Variants in MAGI2 observed in about 807,000 individuals in gnomAD.
MAGI2 encodes membrane associated guanylate kinase, WW and PDZ domain containing 2.
Under a neutral mutation model 133.3 loss-of-function variants are expected in MAGI2, and 35 were observed. The ratio of observed to expected loss-of-function variants is 0.26; its 90% CI spans 0.20 to 0.35. The LOEUF (loss-of-function observed/expected upper bound fraction) is 0.35. Ranked by LOEUF, MAGI2 falls within the 10% of genes least tolerant of loss-of-function variation. The pLI, the probability that MAGI2 is intolerant of heterozygous loss-of-function variation, is 1.00. For synonymous variants in MAGI2, 729 were observed against 710.6 expected, an observed-to-expected ratio of 1.03 and a Z score of -0.41; for missense variants, 1,636 against 1,863.4, an observed-to-expected ratio of 0.88 and a Z score of 2.25.
At chr7:78,656,671 T>G (rs746217058) in intron 2 of MAGI2, among the ~76,000 whole-genome samples, 6 of 152,118 alleles carry the variant, frequency 3.9e-5, no homozygotes, top group Non-Finnish European at 7.4e-5. Context: ...AGAGAAAAAG[T>G]AAGCAAGGAG....
intron 2 of MAGI2, among the ~76,000 whole-genome samples, chr7:78,861,596 C>T (rs1340665175): frequency 6.6e-6 from 1 of 152,222 alleles, no homozygotes; most frequent in Non-Finnish European, 1.5e-5. Context: ...CAATCCTCCA[C>T]CTACCATTCA....
intron 1 of MAGI2, among the ~76,000 whole-genome samples, chr7:79,441,547 T>G (rs1848496238): frequency 6.6e-6 from 1 of 152,186 alleles, no homozygotes; most frequent in South Asian, 2.1e-4. Context: ...TTATAGTATA[T>G]ATGTATTTTG....
intron 4 of MAGI2, among the ~76,000 whole-genome samples, chr7:78,510,508 C>T (rs1032145417): frequency 1.3e-5 from 2 of 152,084 alleles, no homozygotes; most frequent in Non-Finnish European, 2.9e-5. Flanking sequence ...TTTCTGCCTA[C>T]AGAAACAAAA....
intron 1 of MAGI2, among the ~76,000 whole-genome samples, chr7:79,404,157 T>C (rs1483828467): frequency 6.6e-6 from 1 of 152,158 alleles, no homozygotes; most frequent in Non-Finnish European, 1.5e-5. Context: ...ACAGCAACCA[T>C]GCGTTTCACT....
At chr7:79,377,467 T>C (rs1348387310) in intron 1 of MAGI2, among the ~76,000 whole-genome samples, 4 of 151,654 alleles carry the variant, frequency 2.6e-5, no homozygotes, top group African/African-American at 9.7e-5. Context: ...AGCATCAATA[T>C]CAAAATCAAT....
At chr7:79,161,799 G>T (rs980202543) in intron 1 of MAGI2, among the ~76,000 whole-genome samples, 1 of 152,006 alleles carries the variant, frequency 6.6e-6, no homozygotes, top group Non-Finnish European at 1.5e-5. Context: ...AATTCAGATC[G>T]CAATTTTATG....
intron 1 of MAGI2, among the ~76,000 whole-genome samples, chr7:79,195,558 A>C (rs536053112): frequency 2.1e-4 from 32 of 152,098 alleles, no homozygotes; most frequent in Middle Eastern, 3.4e-3. Flanking sequence ...TTCAATTACC[A>C]ACTCAAACTT....
chr7:79,015,827 C>A (rs1002470607), intron 1 of MAGI2, among the ~76,000 whole-genome samples: 1 of 152,058 alleles, frequency 6.6e-6, no homozygotes, highest in Non-Finnish European at 1.5e-5. Context: ...TGTACAGCAT[C>A]CCCATGAGAG....
intron 20 of MAGI2, 28 bp downstream of exon 20, chr7:78,125,666 C>G (rs1375904465): frequency 6.2e-7 from 1 of 1,606,764 alleles, no homozygotes; most frequent in Non-Finnish European, 8.5e-7. Context: ...CAGAATTAAG[C>G]AATTCTATAA....
intron 9 of MAGI2, among the ~76,000 whole-genome samples, chr7:78,316,755 A>G (rs1787448623): frequency 2.0e-5 from 3 of 152,336 alleles, no homozygotes; most frequent in Admixed American, 6.5e-5. Flanking sequence ...AAGCACTTAA[A>G]TTATAACCCT....
chr7:78,728,397 A>G (rs11773249), intron 2 of MAGI2, among the ~76,000 whole-genome samples: 6,710 of 152,230 alleles, frequency 0.044, 219 homozygotes, highest in Non-Finnish European at 0.067. Context: ...CAAAATGCAC[A>G]TTGGTTCTTA....
At position 79,324,694 on chromosome 7, in the gene MAGI2, A is replaced by T. The variant is rs184042983; in HGVS notation, c.301+128326T>A. On this transcript the variant is annotated intron_variant, in intron 1 of 21. Coordinates refer to ENST00000354212, the MANE Select transcript of MAGI2 (RefSeq NM_012301.4). ...AATATATATATATTATATATATATA[A>T]AATATATATATATTATATATGTATA... is the stretch of plus-strand genomic sequence containing the variant. Among the ~76,000 whole-genome samples the T allele has an allele frequency of 2.9e-3, 16 of 5,580 alleles. 4 individuals are homozygous for T. Among genetic ancestry groups the T allele is most frequent in the African/African-American group, 3.6e-3 (10 of 2,748 alleles). 3.7% of individuals were successfully genotyped at this position (5,580 alleles called of 152,430 possible).
chr7:78,044,554 C>T (rs1345133184), intron 21 of MAGI2, among the ~76,000 whole-genome samples: 1 of 152,122 alleles, frequency 6.6e-6, no homozygotes, highest in African/African-American at 2.4e-5. Flanking sequence ...GTTAGTACGA[C>T]AGTACACTGT....
chr7:78,060,377 ACAT>A (rs78722409), intron 21 of MAGI2, among the ~76,000 whole-genome samples: 30,897 of 152,116 alleles, frequency 0.2, 3,425 homozygotes, highest in Middle Eastern at 0.27. Context: ...GTTCTGACAA[ACAT>A]CTTGATAAAC....
intron 6 of MAGI2, among the ~76,000 whole-genome samples, chr7:78,372,099 T>C (rs1433965804): frequency 1.3e-5 from 2 of 152,156 alleles, no homozygotes; most frequent in Admixed American, 6.5e-5. Flanking sequence ...TACCTGTGTG[T>C]ATATGTTGGC....
chr7:78,669,633 G>A (rs1373996874), intron 2 of MAGI2, among the ~76,000 whole-genome samples: 4 of 152,090 alleles, frequency 2.6e-5, no homozygotes, highest in African/African-American at 9.7e-5. Context: ...GAGAATTTTA[G>A]ACCAATATCC....
chr7:79,020,097 G>C (rs1294280008), intron 1 of MAGI2, among the ~76,000 whole-genome samples: 1 of 152,206 alleles, frequency 6.6e-6, no homozygotes, highest in Non-Finnish European at 1.5e-5. Flanking sequence ...TGAAGTCCAG[G>C]CTGAGGTAGT....
intron 21 of MAGI2, among the ~76,000 whole-genome samples, chr7:78,041,789 C>T (rs1810876672): frequency 6.6e-6 from 1 of 152,186 alleles, no homozygotes; most frequent in Non-Finnish European, 1.5e-5. Context: ...CCTGCTCTGT[C>T]CTCTGAGTGA....
At chr7:78,093,458 A>C (rs146141206) in intron 20 of MAGI2, among the ~76,000 whole-genome samples, 2 of 152,272 alleles carry the variant, frequency 1.3e-5, no homozygotes, top group East Asian at 3.9e-4. Context: ...CTTCTCAAAA[A>C]AAAAAAAGTA....
Sources: gnomAD v4.1 joint callset for allele counts (sites outside exome capture counted in the v4.1 genomes callset) on GRCh38, gnomAD v4.1.1 for gene constraint, MANE v1.5 for transcripts, NCBI Gene and HGNC (gene_info 2026-07-23, HGNC 2026-07-21) for gene names.